Variants in CLIC5 observed in about 807,000 individuals in gnomAD.
The protein encoded by CLIC5 is CLIC family member 5, also known as chloride intracellular channel protein 5.
A neutral mutation model predicts 24.7 loss-of-function variants in CLIC5; 20 were observed. The ratio of observed to expected loss-of-function variants is 0.81; its 90% CI spans 0.57 to 1.18. The LOEUF is 1.18. Ranked by LOEUF, CLIC5 falls within the 50% of genes most tolerant of loss-of-function variation. The pLI is 0.00. For synonymous variants in CLIC5, 159 were observed against 135.6 expected (o/e 1.17, Z -1.20); for missense variants, 341 against 326.1 (o/e 1.05, Z -0.35).
intron 1 of CLIC5, among the ~76,000 whole-genome samples, chr6:45,998,222 T>A (rs1228875840): frequency 6.6e-6 from 1 of 152,238 alleles, no homozygotes; most frequent in Non-Finnish European, 1.5e-5. Context: ...AAAGACCTGC[T>A]GTGAGTTCCC....
chr6:45,974,603 A>G (rs1765326423), intron 1 of CLIC5, among the ~76,000 whole-genome samples: 1 of 148,052 alleles, frequency 6.8e-6, no homozygotes, highest in Admixed American at 6.8e-5. Context: ...AGAGGAGTTG[A>G]GGGCAGGACC....
intron 4 of CLIC5, among the ~76,000 whole-genome samples, chr6:45,914,829 T>C (rs1708880671): frequency 6.8e-6 from 1 of 147,196 alleles, no homozygotes; most frequent in Non-Finnish European, 1.5e-5. Flanking sequence ...CACGCGCCTG[T>C]AGTCCCAGCT....
At chr6:45,939,350 A>G (rs1384903749) in intron 4 of CLIC5, among the ~76,000 whole-genome samples, 2 of 150,370 alleles carry the variant, frequency 1.3e-5, no homozygotes, top group Admixed American at 6.6e-5. Flanking sequence ...AGAAGCTGGG[A>G]CTACAGGCAT....
At chr6:46,032,981 A>ATTTTTTTTTTT (rs35845581) in intron 1 of CLIC5, among the ~76,000 whole-genome samples, 2 of 79,008 alleles carry the variant, frequency 2.5e-5, no homozygotes, top group Non-Finnish European at 4.8e-5. Context: ...GGAAATCTAC[A>ATTTTTTTTTTT]TTTTTTTTTT....
chr6:46,026,859 T>A (rs1701740317), intron 1 of CLIC5, among the ~76,000 whole-genome samples: 1 of 152,086 alleles, frequency 6.6e-6, no homozygotes, highest in African/African-American at 2.4e-5. Context: ...GCTAACAGCA[T>A]TGAGAAAAGA....
In CLIC5 at chr6:45,959,035, C is replaced by T. The variant is rs375111402; in HGVS notation, c.64-3791G>A. On this transcript the variant is annotated intron_variant, in intron 1 of 5. Coordinates refer to ENST00000339561, the MANE Select transcript of CLIC5 (RefSeq NM_016929.5). The stretch of plus-strand genomic sequence containing the variant: ...ACCCTGAGTTATGTAGCACACTAGC[C>T]GGAGACTGTGGTTCTAGATCCATCT... 5.9e-5 allele frequency among the ~76,000 whole-genome samples: 9 copies of T among 152,260 alleles called. No individual in the cohort carries two copies. In the South Asian group the frequency reaches 1.0e-3, roughly 18 times the overall value.
chr6:46,019,374 T>C (rs1767109283), upstream of CLIC5, among the ~76,000 whole-genome samples: 1 of 152,182 alleles, frequency 6.6e-6, no homozygotes, highest in South Asian at 2.1e-4. Flanking sequence ...GAAAAGCCCC[T>C]GCCATGCAAA....
chr6:46,050,069 A>G (rs929594469), intron 1 of CLIC5, among the ~76,000 whole-genome samples: 1 of 152,138 alleles, frequency 6.6e-6, no homozygotes, highest in African/African-American at 2.4e-5. Flanking sequence ...ACCAATTGCC[A>G]ATATATCTCC....
Position 46,067,453 on chromosome 6 carries a change from G to A in CLIC5, c.540+12250C>T, listed in dbSNP as rs574724768. 1.4e-4 allele frequency among the ~76,000 whole-genome samples: 21 copies of A among 152,232 alleles called. No individual in the cohort carries two copies. In the South Asian group the frequency reaches 3.7e-3, roughly 27 times the overall value. The stretch of plus-strand genomic sequence containing the variant: ...CTGAACCTTTTCTCCTGATCACCAC[G>A]TCTAGTTTGGCTTCTGTGTCTGTTG... On this transcript the variant is annotated intron_variant, in intron 1 of 5. Transcript: ENST00000185206.
chr6:46,030,988 A>G (rs1027938649), intron 1 of CLIC5, among the ~76,000 whole-genome samples: 5 of 152,224 alleles, frequency 3.3e-5, no homozygotes, highest in African/African-American at 1.2e-4. Context: ...ATGTTTTAAA[A>G]AGAAGAAATT....
At chr6:45,928,375 G>C (rs1022911522) in intron 4 of CLIC5, among the ~76,000 whole-genome samples, 2 of 152,176 alleles carry the variant, frequency 1.3e-5, no homozygotes, top group African/African-American at 2.4e-5. Flanking sequence ...CAAAAATGAG[G>C]GAATCTGTTC....
exon 1 of CLIC5, chr6:46,080,295 G>A: frequency 6.9e-7 from 1 of 1,453,134 alleles, no homozygotes; most frequent in Non-Finnish European, 9.3e-7. Flanking sequence ...GATCTGAAAT[G>A]AATGAAGGGA....
intron 1 of CLIC5, among the ~76,000 whole-genome samples, chr6:46,025,727 C>T (rs889244717): frequency 7.9e-5 from 12 of 152,188 alleles, no homozygotes; most frequent in Non-Finnish European, 1.5e-4. Flanking sequence ...CCACCCAAAT[C>T]TCATGTCGAA....
intron 1 of CLIC5, among the ~76,000 whole-genome samples, chr6:46,041,294 T>C (rs1249919025): frequency 6.6e-6 from 1 of 152,246 alleles, no homozygotes; most frequent in Non-Finnish European, 1.5e-5. Context: ...TTAACTGCTA[T>C]ACCTTGCATT....
chr6:45,995,517 A>G (rs1194592301), intron 1 of CLIC5, among the ~76,000 whole-genome samples: 1 of 152,200 alleles, frequency 6.6e-6, no homozygotes. Context: ...TTCTGTGTTC[A>G]TACAAGCCCT....
intron 6 of CLIC5, among the ~76,000 whole-genome samples, chr6:45,885,084 A>G (rs1361058059): frequency 2.0e-5 from 3 of 151,964 alleles, no homozygotes; most frequent in Non-Finnish European, 1.5e-5. Flanking sequence ...TAATCCAAAA[A>G]TTACCCTCCT....
At chr6:46,069,484 A>T (rs940017784) in intron 1 of CLIC5, among the ~76,000 whole-genome samples, 1 of 152,158 alleles carries the variant, frequency 6.6e-6, no homozygotes, top group Non-Finnish European at 1.5e-5. Context: ...ATTCCTGGAC[A>T]CATACACCCT....
At chr6:45,938,089 T>A (rs1764002974) in intron 4 of CLIC5, among the ~76,000 whole-genome samples, 1 of 151,802 alleles carries the variant, frequency 6.6e-6, no homozygotes, top group South Asian at 2.1e-4. Flanking sequence ...AGAAAGAAAG[T>A]TGGAGAACTA....
intron 2 of CLIC5, among the ~76,000 whole-genome samples, chr6:45,950,738 C>T (rs1212112652): frequency 6.6e-6 from 1 of 152,178 alleles, no homozygotes; most frequent in Non-Finnish European, 1.5e-5. Context: ...GGCAACTCCA[C>T]TGCTACAGTA....
Sources: gnomAD v4.1 joint callset for allele counts (sites outside exome capture counted in the v4.1 genomes callset) on GRCh38, gnomAD v4.1.1 for gene constraint, MANE v1.5 for transcripts, NCBI Gene and HGNC (gene_info 2026-07-23, HGNC 2026-07-21) for gene names.